The following C2orf68 variants were observed in gnomAD, a reference collection of about 807,000 sequenced individuals.
C2orf68 encodes chromosome 2 open reading frame 68.
In C2orf68, 15 loss-of-function variants were observed where a neutral mutation model predicts 19.1. That is an observed-to-expected ratio of 0.79 (90% CI 0.53 to 1.21). The LOEUF (loss-of-function observed/expected upper bound fraction) is 1.21, where lower values mean the gene tolerates loss of function less well. C2orf68 is among the 50% of genes most tolerant of loss of function. The pLI is 0.00. For missense variants in C2orf68, 242 were observed against 226.6 expected (o/e 1.07, Z -0.44); for synonymous variants, 98 against 91.0 (o/e 1.08, Z -0.44).
In C2orf68 at chr2:85,607,492, C is replaced by G. The variant is rs1474436887; in HGVS notation, c.*1453G>C. The G allele has an allele frequency of 6.6e-6, 1 of 152,210 alleles. No homozygotes were observed. Among genetic ancestry groups the G allele is most frequent in the African/African-American group, 2.4e-5 (1 of 41,448 alleles). 9.4% of individuals were successfully genotyped at this position (152,210 alleles called of 1,614,324 possible). On this transcript the variant is annotated 3_prime_UTR_variant, in exon 4 of 4. Transcript: ENST00000306336. ...TCTGTAGGTCTGGAGCATTCTGGTC[C>G]CTGGCCGCTTTCACCACCAGGCCCT...
rs777079769 is a variant in C2orf68, at chr2:85,611,658, G to A, written c.226+10C>T. 6.4e-6 allele frequency: 10 copies of A among 1,559,442 alleles called. No individual in the cohort carries two copies. The highest frequency in any genetic ancestry group is 2.4e-5 in the East Asian group (1 of 41,882). The stretch of plus-strand genomic sequence containing the variant: ...CGCGGGCTGGAGGCAGGCGGGGCGG[G>A]CGGCCTCACCTCGGTGTCGCGGCAG... On this transcript the variant is annotated intron_variant, in intron 2 of 3. Coordinates refer to ENST00000306336, the MANE Select transcript of C2orf68 (RefSeq NM_001013649.4).
At position 85,606,198 on chromosome 2, in the gene C2orf68, T is replaced by G. The variant is rs973809763; in HGVS notation, c.*2747A>C. Among the ~76,000 whole-genome samples the G allele has an allele frequency of 7.9e-5, 12 of 152,230 alleles. No homozygotes were observed. Among genetic ancestry groups the G allele is most frequent in the African/African-American group, 2.9e-4 (12 of 41,462 alleles). Reference sequence around the variant, plus strand: ...TGCGCGTTTTTTAAAGACAGCCAATTACATCGTATCTAGTCAAATGAGCGG... The same window carrying G: ...TGCGCGTTTTTTAAAGACAGCCAATGACATCGTATCTAGTCAAATGAGCGG... On this transcript the variant is annotated 3_prime_UTR_variant, in exon 4 of 4. Coordinates refer to ENST00000306336, the MANE Select transcript of C2orf68 (RefSeq NM_001013649.4).
rs1573372139 is a variant in C2orf68, at chr2:85,608,740, A to G, written c.*205T>C. 1 of 404,682 alleles carries G rather than the reference A, an allele frequency of 2.5e-6. No individual in the cohort carries two copies. 25.1% of individuals were successfully genotyped at this position (404,682 alleles called of 1,614,324 possible). A position where few individuals can be genotyped will look rare whatever the true frequency, so the allele number is the denominator to read the frequency against. On this transcript the variant is annotated 3_prime_UTR_variant, in exon 4 of 4. Coordinates refer to ENST00000306336, the MANE Select transcript of C2orf68 (RefSeq NM_001013649.4). The stretch of plus-strand genomic sequence containing the variant: ...AAAAAAAAAAAAAAAGAATTCCAGA[A>G]TATCAGGCTGGGCAAATGGGTCAAC...
chr2:85,605,281 T>G lies in C2orf68; in HGVS notation c.*3664A>C, dbSNP rs1056537895. ...CTGTAAAAATCGTAAGTTTATTTGT[T>G]AAAAAAAATACTGTATTTGAAAAGT... On this transcript the variant is annotated 3_prime_UTR_variant, in exon 4 of 4. Coordinates refer to ENST00000306336, the MANE Select transcript of C2orf68 (RefSeq NM_001013649.4). 1.3e-5 allele frequency among the ~76,000 whole-genome samples: 2 copies of G among 152,064 alleles called. No individual in the cohort carries two copies. The highest frequency in any genetic ancestry group is 4.8e-5 in the African/African-American group (2 of 41,390).
At position 85,607,084 on chromosome 2, in the gene C2orf68, A is replaced by C. The variant is rs1427298930; in HGVS notation, c.*1861T>G. ...TAATAAGAATGCGGTCTAAATTTTC[A>C]GGTGCCAAGCCCCCAAACTCCTCTT... On this transcript the variant is annotated 3_prime_UTR_variant, in exon 4 of 4. Coordinates refer to ENST00000306336, the MANE Select transcript of C2orf68 (RefSeq NM_001013649.4). 1 of 152,134 alleles carries C rather than the reference A, an allele frequency of 6.6e-6. No homozygotes were observed. Among genetic ancestry groups the C allele is most frequent in the East Asian group, 1.9e-4 (1 of 5,200 alleles). 9.4% of individuals were successfully genotyped at this position (152,134 alleles called of 1,614,324 possible).
rs1403860644 is a variant in C2orf68, at chr2:85,611,960, G to A, written c.25C>T (p.Pro9Ser). The change falls in exon 1 of 4, where the codon CCG (proline) becomes TCG (serine). Residue 9 changes from proline (P) to serine (S), a missense_variant. By Grantham distance (74) the Pro-to-Ser change is moderately conservative (BLOSUM62 -1). Coordinates refer to ENST00000306336, the MANE Select transcript of C2orf68 (RefSeq NM_001013649.4). ...CCCCCAGGCTTGCAGCAGTGCCCCG[G>A]CCGGGGATGCGGCCCCGCCTCCATC... MEAGPHPR[P>S]GHCCKPGGRL... is the part of the protein sequence containing the mutation. 2 of 1,549,418 alleles carry A rather than the reference G, an allele frequency of 1.3e-6. No homozygotes were observed. Among genetic ancestry groups the A allele is most frequent in the Non-Finnish European group, 1.7e-6 (2 of 1,158,478 alleles).
chr2:85,606,900 GC>G lies in C2orf68; in HGVS notation c.*2044del, dbSNP rs1175674131. 1 of 151,790 alleles carries G rather than the reference GC, an allele frequency of 6.6e-6. No homozygotes were observed. Among genetic ancestry groups the G allele is most frequent in the African/African-American group, 2.4e-5 (1 of 41,268 alleles). The allele number at this position is 151,790 out of a possible 1,614,324, so 9.4% of individuals were successfully genotyped here. ...AGGTTTAGGTGATTCTCTTGCCTCG[GC>G]CTCCCGAGTAGCTGGGATGGACTAC... is the stretch of plus-strand genomic sequence containing the variant. On this transcript the variant is annotated 3_prime_UTR_variant, in exon 4 of 4. Transcript: ENST00000306336.
At position 85,605,785 on chromosome 2, in the gene C2orf68, A is replaced by G. The variant is rs776668845; in HGVS notation, c.*3160T>C. Among the ~76,000 whole-genome samples the G allele has an allele frequency of 1.3e-5, 2 of 152,204 alleles. No individual in the cohort carries two copies. Among genetic ancestry groups the G allele is most frequent in the African/African-American group, 2.4e-5 (1 of 41,452 alleles). ...TCACCATCCCAAAGGGGTTCCTCCCACCTGGATGGGGCCAATCTCTAGTTG... is the reference window on the plus strand; with the variant it reads ...TCACCATCCCAAAGGGGTTCCTCCCGCCTGGATGGGGCCAATCTCTAGTTG... On this transcript the variant is annotated 3_prime_UTR_variant, in exon 4 of 4. Coordinates refer to ENST00000306336, the MANE Select transcript of C2orf68 (RefSeq NM_001013649.4).
intron 2 of C2orf68, chr2:85,611,412 T>A: frequency 6.6e-7 from 1 of 1,504,942 alleles, no homozygotes; most frequent in Non-Finnish European, 8.9e-7. Context: ...TACAGCACGG[T>A]GGGGCAAACC....
chr2:85,611,280 T>C (rs1450427032), intron 2 of C2orf68: 1 of 1,414,826 alleles, frequency 7.1e-7, no homozygotes, highest in Non-Finnish European at 9.2e-7. Flanking sequence ...ACCAGTGTGA[T>C]CTCTAGGTAG....
At position 85,607,355 on chromosome 2, in the gene C2orf68, A is replaced by T. The variant is rs1176899888; in HGVS notation, c.*1590T>A. On this transcript the variant is annotated 3_prime_UTR_variant, in exon 4 of 4. Transcript: ENST00000306336. ...GCTTTGGAGGGTAGTTAACATTAGA[A>T]GTCAAAAGGCACTTCTAGCCCAGCT... 6.6e-6 allele frequency: 1 copy of T among 152,174 alleles called. No homozygotes were observed. Among genetic ancestry groups the T allele is most frequent in the African/African-American group, 2.4e-5 (1 of 41,430 alleles). 9.4% of individuals were successfully genotyped at this position (152,174 alleles called of 1,614,324 possible). A position where few individuals can be genotyped will look rare whatever the true frequency, so the allele number is the denominator to read the frequency against.
rs1673320311 is a variant in C2orf68, at chr2:85,608,851, G to A, written c.*94C>T. 1 of 1,547,140 alleles carries A rather than the reference G, an allele frequency of 6.5e-7. No homozygotes were observed. The highest frequency in any genetic ancestry group is 1.3e-5 in the African/African-American group (1 of 74,086). On this transcript the variant is annotated 3_prime_UTR_variant, in exon 4 of 4. Transcript: ENST00000306336. The stretch of plus-strand genomic sequence containing the variant: ...AGCAGCTCTGGGGGTCTCAAGATCA[G>A]ACAAACTGGTCCTGGTACCCCCACA...
At position 85,606,243 on chromosome 2, in the gene C2orf68, G is replaced by T. The variant is rs1673209477; in HGVS notation, c.*2702C>A. On this transcript the variant is annotated 3_prime_UTR_variant, in exon 4 of 4. Transcript: ENST00000306336. ...GAGCGGATTCTAAAGCAGCCTGCTG[G>T]GATGTTCCACTTAGTCTAATGCTGT... Among the ~76,000 whole-genome samples, 1 of 152,192 alleles carries T rather than the reference G, an allele frequency of 6.6e-6. No homozygotes were observed. The highest frequency in any genetic ancestry group is 1.5e-5 in the Non-Finnish European group (1 of 68,032).
At position 85,611,246 on chromosome 2, in the gene C2orf68, A is replaced by G. The variant is rs1057076063; in HGVS notation, c.226+422T>C. 8.9e-6 allele frequency: 12 copies of G among 1,351,662 alleles called. No individual in the cohort carries two copies. In the African/African-American group the frequency reaches 1.8e-4, roughly 21 times the overall value. 83.7% of individuals were successfully genotyped at this position (1,351,662 alleles called of 1,614,324 possible). A position where few individuals can be genotyped will look rare whatever the true frequency, so the allele number is the denominator to read the frequency against. On this transcript the variant is annotated intron_variant, in intron 2 of 3. Coordinates refer to ENST00000306336, the MANE Select transcript of C2orf68 (RefSeq NM_001013649.4). The stretch of plus-strand genomic sequence containing the variant: ...ATTTTAAAAAAAGTAATAATGCTTA[A>G]CAAAAATTGACCGTCATATATTAAC...
At chr2:85,611,605 A>T in intron 2 of C2orf68, 63 bp downstream of exon 2, 1 of 1,555,826 alleles carries the variant, frequency 6.4e-7, no homozygotes, top group Non-Finnish European at 8.7e-7. Flanking sequence ...TTCCCTATAG[A>T]GAAGGGGAGT....
In C2orf68 at chr2:85,608,896, T is replaced by A. The variant is rs1673321847; in HGVS notation, c.*49A>T. The A allele has an allele frequency of 1.2e-6, 2 of 1,603,846 alleles. No homozygotes were observed. Among genetic ancestry groups the A allele is most frequent in the Admixed American group, 3.4e-5 (2 of 59,604 alleles). ...CCCACACTAAATTCCCTGGGCAGAA[T>A]TCTTCCGAGTGCAGTGAATCCAGCC... On this transcript the variant is annotated 3_prime_UTR_variant, in exon 4 of 4. Coordinates refer to ENST00000306336, the MANE Select transcript of C2orf68 (RefSeq NM_001013649.4).
intron 1 of C2orf68, 37 bp from the exon 2 acceptor site, chr2:85,611,823 C>T: frequency 6.2e-7 from 1 of 1,606,746 alleles, no homozygotes. Context: ...GACTGTCGGG[C>T]CGGGCCAGGC....
Position 85,609,430 on chromosome 2 carries a change from C to A in C2orf68, c.378+5G>T, listed in dbSNP as rs372399329. ...TCAGGCTGCAGCTGTTTCCACCAGG[C>A]GTACCTGATAGACGATAACTGATGT... is the stretch of plus-strand genomic sequence containing the variant. On this transcript the variant is annotated splice_donor_5th_base_variant and intron_variant, in intron 3 of 3. Coordinates refer to ENST00000306336, the MANE Select transcript of C2orf68 (RefSeq NM_001013649.4). 1.9e-6 allele frequency: 3 copies of A among 1,613,656 alleles called. No individual in the cohort carries two copies. The highest frequency in any genetic ancestry group is 1.7e-5 in the Admixed American group (1 of 59,996).
rs537813459 is a variant in C2orf68, at chr2:85,605,683, T to A, written c.*3262A>T. Among the ~76,000 whole-genome samples the A allele has an allele frequency of 6.6e-6, 1 of 152,350 alleles. No homozygotes were observed. The highest frequency in any genetic ancestry group is 2.1e-4 in the South Asian group (1 of 4,828). On this transcript the variant is annotated 3_prime_UTR_variant, in exon 4 of 4. Transcript: ENST00000306336. ...CCTCTTTCTGCACACAAAGCCCTCA[T>A]TTAAATTTGTGAGCCTGCTTGGGAT...
Sources: allele counts gnomAD v4.1 joint callset (sites outside exome capture counted in the v4.1 genomes callset), GRCh38; gene constraint gnomAD v4.1.1; transcripts MANE v1.5; gene names NCBI Gene and HGNC (gene_info 2026-07-23, HGNC 2026-07-21).